RBFOX1: variants seen among roughly 807,000 people sequenced by gnomAD.
RBFOX1 encodes RNA binding fox-1 homolog 1, also known as RNA binding protein fox-1 homolog 1.
RBFOX1 carries 8 observed loss-of-function variants against 57.7 expected under a neutral mutation model. The observed-to-expected ratio is 0.14, with a 90% CI of 0.08 to 0.25. The LOEUF (loss-of-function observed/expected upper bound fraction) is 0.25. Among genes scored for constraint, RBFOX1 ranks in the 10% least tolerant of loss-of-function variants. The pLI is 1.00. For synonymous variants in RBFOX1, 326 were observed against 222.4 expected, an observed-to-expected ratio of 1.47 and a Z score of -4.15; for missense variants, 611 against 548.5, an observed-to-expected ratio of 1.11 and a Z score of -1.14.
intron 3 of RBFOX1, among the ~76,000 whole-genome samples, chr16:5,706,343 A>C (rs765659404): frequency 6.6e-6 from 1 of 152,216 alleles, no homozygotes; most frequent in African/African-American, 2.4e-5. Flanking sequence ...GTGGAAATAC[A>C]GTTCCAAGCA....
At chr16:5,766,550 A>T (rs996798872) in intron 3 of RBFOX1, among the ~76,000 whole-genome samples, 1 of 152,084 alleles carries the variant, frequency 6.6e-6, no homozygotes, top group Non-Finnish European at 1.5e-5. Flanking sequence ...ACATCACTGT[A>T]CTCCAGCCCG....
At chr16:7,314,977 T>C (rs1190424894) in intron 4 of RBFOX1, among the ~76,000 whole-genome samples, 2 of 152,238 alleles carry the variant, frequency 1.3e-5, no homozygotes, top group Admixed American at 6.5e-5. Context: ...CAGAAAGCTC[T>C]AATTTTAACC....
intron 3 of RBFOX1, among the ~76,000 whole-genome samples, chr16:6,849,857 T>A (rs772228408): frequency 6.6e-6 from 1 of 152,142 alleles, no homozygotes; most frequent in East Asian, 1.9e-4. Flanking sequence ...TTATTTTTCT[T>A]CCTACCCTGC....
intron 3 of RBFOX1, among the ~76,000 whole-genome samples, chr16:6,827,648 C>A (rs920020051): frequency 6.6e-6 from 1 of 152,178 alleles, no homozygotes; most frequent in Admixed American, 6.5e-5. Flanking sequence ...CACCTCCTTC[C>A]CCCTCCTCAC....
chr16:6,194,543 G>C (rs1371363067), intron 1 of RBFOX1, among the ~76,000 whole-genome samples: 2 of 152,012 alleles, frequency 1.3e-5, no homozygotes, highest in Non-Finnish European at 2.9e-5. Context: ...CTGTCTTTAT[G>C]TATGCTGCTC....
At chr16:7,466,966 C>G (rs575288646) in intron 4 of RBFOX1, among the ~76,000 whole-genome samples, 1 of 152,182 alleles carries the variant, frequency 6.6e-6, no homozygotes, top group Non-Finnish European at 1.5e-5. Context: ...AGAGCACCCA[C>G]TCTGCTCCAG....
At chr16:7,511,221 C>T (rs959714813) in intron 4 of RBFOX1, among the ~76,000 whole-genome samples, 10 of 152,198 alleles carry the variant, frequency 6.6e-5, no homozygotes, top group Admixed American at 2.0e-4. Context: ...AGTTGAAATA[C>T]GGTTTACCTT....
At chr16:5,448,933 A>T (rs191406528) in intron 1 of RBFOX1, among the ~76,000 whole-genome samples, 8 of 150,876 alleles carry the variant, frequency 5.3e-5, no homozygotes, top group Admixed American at 1.3e-4. Flanking sequence ...GTCTCCTCCC[A>T]CTCTCTACTG....
rs190787564 is a variant in RBFOX1 at position 6,747,097 on chromosome 16, A to C, written c.-16+92447A>C. Among the ~76,000 whole-genome samples, 59 of 152,238 alleles carry C rather than the reference A, an allele frequency of 3.9e-4. 1 individual carries two copies. In the East Asian group the frequency reaches 5.0e-3, roughly 13 times the overall value. Reference sequence around the variant, plus strand: ...CATAGCAGGTCCCTATACCATGCCAAATGGGAGATCCTTAAATTATCTTAC... The same window carrying C: ...CATAGCAGGTCCCTATACCATGCCACATGGGAGATCCTTAAATTATCTTAC... On this transcript the variant is annotated intron_variant, in intron 3 of 15. Transcript: ENST00000550418.
At chr16:6,002,374 G>A (rs62015775) in intron 4 of RBFOX1, among the ~76,000 whole-genome samples, 184 of 152,330 alleles carry the variant, frequency 1.2e-3, no homozygotes, top group Non-Finnish European at 2.0e-3. Flanking sequence ...ATAGAGTTTT[G>A]ACATGGAGAC....
At chr16:6,699,890 A>G (rs1482840860) in intron 3 of RBFOX1, among the ~76,000 whole-genome samples, 1 of 152,178 alleles carries the variant, frequency 6.6e-6, no homozygotes, top group African/African-American at 2.4e-5. Context: ...AAGTCCTTCA[A>G]TTTGGGCCCA....
intron 3 of RBFOX1, among the ~76,000 whole-genome samples, chr16:5,669,160 C>G (rs2049940530): frequency 6.6e-6 from 1 of 152,132 alleles, no homozygotes; most frequent in Non-Finnish European, 1.5e-5. Context: ...GCCTTTACCC[C>G]TAAGTGTGAC....
intron 3 of RBFOX1, among the ~76,000 whole-genome samples, chr16:6,954,916 T>C (rs1036522889): frequency 6.6e-6 from 1 of 152,092 alleles, no homozygotes; most frequent in East Asian, 1.9e-4. Flanking sequence ...CCTAAACTTA[T>C]TAGGCTATTT....
chr16:5,778,096 C>G lies in RBFOX1; in HGVS notation c.319-89207C>G, dbSNP rs144849224. ...GCTGGTTCCAAGGTGGATCCTCATT[C>G]CAGCTTTGTACCGTTGACTTCCCTT... On this transcript the variant is annotated intron_variant, in intron 3 of 19. Coordinates refer to the RBFOX1 transcript ENST00000641259. Among the ~76,000 whole-genome samples the G allele has an allele frequency of 9.0e-4, 137 of 152,244 alleles. 1 individual carries two copies. The highest frequency in any genetic ancestry group is 3.2e-3 in the African/African-American group (132 of 41,544).
intron 3 of RBFOX1, among the ~76,000 whole-genome samples, chr16:5,808,195 T>C (rs189218641): frequency 6.6e-6 from 1 of 152,142 alleles, no homozygotes; most frequent in East Asian, 1.9e-4. Flanking sequence ...ATGGCCTCAT[T>C]AGGACAGAGG....
chr16:5,434,584 G>T (rs2067858486), intron 1 of RBFOX1, among the ~76,000 whole-genome samples: 1 of 152,038 alleles, frequency 6.6e-6, no homozygotes, highest in East Asian at 1.9e-4. Flanking sequence ...TAACCAAAGT[G>T]CTGAGATTAC....
rs530639095 is a variant in RBFOX1, at chr16:7,597,715, C to G, written c.622+284C>G. On this transcript the variant is annotated intron_variant, in intron 9 of 15. Coordinates refer to ENST00000550418, the MANE Select transcript of RBFOX1 (RefSeq NM_018723.4). Reference sequence around the variant, plus strand: ...TATTTGGAAATTAGTTTGCTAATTTCATTGGTTATTACAGTAAGTTGAGGG... The same window carrying G: ...TATTTGGAAATTAGTTTGCTAATTTGATTGGTTATTACAGTAAGTTGAGGG... Among the ~76,000 whole-genome samples the G allele has an allele frequency of 3.3e-5, 5 of 152,304 alleles. No homozygotes were observed. In the South Asian group the frequency reaches 1.0e-3, roughly 32 times the overall value.
At chr16:5,432,290 A>G (rs999796119) in intron 1 of RBFOX1, among the ~76,000 whole-genome samples, 3 of 151,404 alleles carry the variant, frequency 2.0e-5, no homozygotes, top group Admixed American at 2.0e-4. Flanking sequence ...ATGAAATGGG[A>G]AAAGGCAGGC....
chr16:7,102,360 G>C (rs760667671), intron 4 of RBFOX1, among the ~76,000 whole-genome samples: 7 of 152,202 alleles, frequency 4.6e-5, no homozygotes, highest in Non-Finnish European at 8.8e-5. Context: ...GTCTTACTGA[G>C]AGCCTTAGAA....
Sources: allele counts gnomAD v4.1 joint callset (sites outside exome capture counted in the v4.1 genomes callset), GRCh38; gene constraint gnomAD v4.1.1; transcripts MANE v1.5; gene names NCBI Gene and HGNC (gene_info 2026-07-23, HGNC 2026-07-21).